LRCH3: variants seen among roughly 807,000 people sequenced by gnomAD.
LRCH3 encodes the protein DISP complex protein LRCH3.
Under a neutral mutation model 104.5 loss-of-function variants are expected in LRCH3, and 68 were observed. That is an observed-to-expected ratio of 0.65 (90% CI 0.54 to 0.80). The LOEUF (loss-of-function observed/expected upper bound fraction) is 0.80, where lower values mean the gene tolerates loss of function less well. Among genes scored for constraint, LRCH3 ranks in the 30% least tolerant of loss-of-function variants. The pLI is 0.00. For missense variants in LRCH3, 951 were observed against 953.9 expected, an observed-to-expected ratio of 1.00 and a Z score of 0.04; for synonymous variants, 344 against 361.3, an observed-to-expected ratio of 0.95 and a Z score of 0.54.
At chr3:197,808,925 C>T (rs1732804190) in intron 1 of LRCH3, among the ~76,000 whole-genome samples, 1 of 151,500 alleles carries the variant, frequency 6.6e-6, no homozygotes, top group South Asian at 2.1e-4. Flanking sequence ...GATGTTCTGC[C>T]ACTTCTTTCT....
At chr3:197,839,455 A>G in intron 10 of LRCH3, 58 bp downstream of exon 10, 1 of 1,174,464 alleles carries the variant, frequency 8.5e-7, no homozygotes, top group East Asian at 2.5e-5. Flanking sequence ...AGCATAAAGT[A>G]ATTTTGGTTT....
At chr3:197,875,452 T>G (rs941450528) in intron 19 of LRCH3, among the ~76,000 whole-genome samples, 1 of 152,104 alleles carries the variant, frequency 6.6e-6, no homozygotes, top group African/African-American at 2.4e-5. Flanking sequence ...TTGCTTGAAC[T>G]CAGGAATTCA....
At chr3:197,827,848 G>A (rs1735410403) in intron 5 of LRCH3, among the ~76,000 whole-genome samples, 1 of 152,042 alleles carries the variant, frequency 6.6e-6, no homozygotes, top group African/African-American at 2.4e-5. Flanking sequence ...GGAGGCCGAG[G>A]TGGGCAGATC....
intron 9 of LRCH3, among the ~76,000 whole-genome samples, chr3:197,838,994 T>C (rs1388581323): frequency 6.6e-6 from 1 of 152,202 alleles, no homozygotes; most frequent in Admixed American, 6.5e-5. Flanking sequence ...AGTCTGTTAG[T>C]GACCTCTTCG....
chr3:197,871,610 G>A, intron 19 of LRCH3, 148 bp downstream of exon 19: 1 of 1,041,724 alleles, frequency 9.6e-7, no homozygotes. Context: ...TTCTACTCGA[G>A]AAGAAATAGA....
intron 12 of LRCH3, chr3:197,848,251 A>G: frequency 2.2e-6 from 1 of 449,192 alleles, no homozygotes; most frequent in South Asian, 3.2e-5. Context: ...TTTACTATCC[A>G]GCTGCCATTT....
intron 17 of LRCH3, among the ~76,000 whole-genome samples, chr3:197,868,921 ATT>A (rs909719157): frequency 6.6e-6 from 1 of 152,152 alleles, no homozygotes; most frequent in African/African-American, 2.4e-5. Context: ...GGTGAGGAGA[ATT>A]TTTTGAGCAC....
chr3:197,850,695 C>T, intron 12 of LRCH3: 1 of 1,463,038 alleles, frequency 6.8e-7, no homozygotes, highest in Non-Finnish European at 9.6e-7. Flanking sequence ...AAATTCAGCA[C>T]TCTTTCTGGG....
intron 1 of LRCH3, among the ~76,000 whole-genome samples, chr3:197,796,205 A>T (rs1190481811): frequency 6.6e-6 from 1 of 152,196 alleles, no homozygotes; most frequent in African/African-American, 2.4e-5. Context: ...TTATTGGTGT[A>T]TGAAGAGGAC....
In LRCH3 at chr3:197,817,205, A is replaced by C; in HGVS notation, c.437A>C (p.His146Pro). 6.2e-7 allele frequency: 1 copy of C among 1,604,372 alleles called. No homozygotes were observed. The highest frequency in any genetic ancestry group is 8.5e-7 in the Non-Finnish European group (1 of 1,175,816). The part of the protein sequence containing the change: ...SRNQLSTLPV[H>P]LCNLPLKVLI... ...AACCAACTGTCAACATTGCCGGTAC[A>C]CTTGTGTAATTTGCCATTGAAAGTC... Residue 146 changes from histidine to proline, a missense_variant, in exon 3 of 21, where the codon CAC becomes CCC. By Grantham distance (77) the His-to-Pro change is moderately conservative (BLOSUM62 -2). Transcript: ENST00000425562.
At chr3:197,803,847 G>A (rs763827938) in intron 1 of LRCH3, among the ~76,000 whole-genome samples, 18 of 152,318 alleles carry the variant, frequency 1.2e-4, no homozygotes, top group East Asian at 3.9e-4. Context: ...CTGCTGTAAC[G>A]TTAACCAGGT....
intron 10 of LRCH3, 78 bp downstream of exon 10, chr3:197,839,475 C>A: frequency 1.2e-6 from 1 of 813,238 alleles, no homozygotes; most frequent in Non-Finnish European, 2.0e-6. Flanking sequence ...TTATGCAGAT[C>A]TGTGTGTAAT....
intron 4 of LRCH3, among the ~76,000 whole-genome samples, chr3:197,824,907 G>A (rs1734979286): frequency 6.6e-6 from 1 of 152,198 alleles, no homozygotes; most frequent in South Asian, 2.1e-4. Context: ...TAAATACTCT[G>A]AGTCCTAGAC....
chr3:197,880,090 C>A (rs532335853), intron 20 of LRCH3, among the ~76,000 whole-genome samples: 1 of 151,120 alleles, frequency 6.6e-6, no homozygotes. Flanking sequence ...GGACTACAGG[C>A]GCCCGCCACC....
chr3:197,881,253 G>A (rs1185131233), intron 20 of LRCH3: 1 of 996,856 alleles, frequency 1.0e-6, no homozygotes, highest in Non-Finnish European at 1.2e-6. Flanking sequence ...CCGCTTTGTC[G>A]GTAGGCACAG....
At chr3:197,797,172 A>G (rs144585686) in intron 1 of LRCH3, among the ~76,000 whole-genome samples, 5,452 of 151,962 alleles carry the variant, frequency 0.036, 161 homozygotes, top group African/African-American at 0.077. Context: ...TATTAAAAAT[A>G]TAAAAAATTA....
intron 13 of LRCH3, among the ~76,000 whole-genome samples, chr3:197,852,883 C>A (rs1196983503): frequency 2.6e-5 from 4 of 152,138 alleles, no homozygotes; most frequent in African/African-American, 9.7e-5. Flanking sequence ...GTCCCCGTCT[C>A]CTCCACTTTT....
At chr3:197,801,952 A>C (rs1042018385) in intron 1 of LRCH3, among the ~76,000 whole-genome samples, 8 of 152,060 alleles carry the variant, frequency 5.3e-5, no homozygotes, top group South Asian at 2.1e-4. Flanking sequence ...TGAGGTTCTT[A>C]TTTCCTTTCT....
intron 10 of LRCH3, among the ~76,000 whole-genome samples, chr3:197,840,434 G>A (rs1242016061): frequency 6.6e-6 from 1 of 151,442 alleles, no homozygotes; most frequent in Non-Finnish European, 1.5e-5. Flanking sequence ...TCCAGCCTGG[G>A]TGACAGACTG....
Sources: gnomAD v4.1 joint callset for allele counts (sites outside exome capture counted in the v4.1 genomes callset) on GRCh38, gnomAD v4.1.1 for gene constraint, MANE v1.5 for transcripts, NCBI Gene and HGNC (gene_info 2026-07-23, HGNC 2026-07-21) for gene names.